Variants in KANK2 observed in about 807,000 individuals in gnomAD.
KANK2 encodes KN motif and ankyrin repeat domain-containing protein 2.
A neutral mutation model predicts 74.6 loss-of-function variants in KANK2; 41 were observed. The observed-to-expected ratio is 0.55, with a 90% CI of 0.43 to 0.71. KANK2 has a LOEUF of 0.71. Among genes scored for constraint, KANK2 ranks in the 30% least tolerant of loss-of-function variants. The pLI, the probability that KANK2 is intolerant of heterozygous loss-of-function variation, is 0.00. For synonymous variants in KANK2, 537 were observed against 519.0 expected (o/e 1.03, Z -0.47); for missense variants, 1,148 against 1,196.4 (o/e 0.96, Z 0.60).
At chr19:11,189,953 G>A (rs2078793870) in intron 4 of KANK2, among the ~76,000 whole-genome samples, 3 of 152,112 alleles carry the variant, frequency 2.0e-5, no homozygotes, top group Non-Finnish European at 2.9e-5. Flanking sequence ...GGTGTCCAGA[G>A]CTGGCCAGGA....
intron 12 of KANK2, among the ~76,000 whole-genome samples, chr19:11,167,758 C>T (rs1184582394): frequency 2.6e-5 from 4 of 151,712 alleles, no homozygotes; most frequent in African/African-American, 9.7e-5. Context: ...GAACTCCTGA[C>T]CTCAGGTGAT....
chr19:11,192,097 G>A (rs2078863196), intron 4 of KANK2, among the ~76,000 whole-genome samples: 1 of 152,088 alleles, frequency 6.6e-6, no homozygotes, highest in Non-Finnish European at 1.5e-5. Flanking sequence ...TTGTGCACCT[G>A]GATCCAGCCA....
intron 4 of KANK2, among the ~76,000 whole-genome samples, chr19:11,189,059 C>T (rs2078760048): frequency 6.6e-6 from 1 of 151,628 alleles, no homozygotes; most frequent in Admixed American, 6.6e-5. Context: ...ATCAACCATG[C>T]CTGGTACCAT....
rs1274664498 is a variant in KANK2 at position 11,174,724 on chromosome 19, G to A, written c.1849-32C>T. 5.2e-6 allele frequency: 8 copies of A among 1,528,866 alleles called. No homozygotes were observed. The Admixed American group carries it at 9.5e-5, about 18-fold the overall frequency. The allele number at this position is 1,528,866 out of a possible 1,614,324, so 94.7% of individuals were successfully genotyped here. A position where few individuals can be genotyped will look rare whatever the true frequency, so the allele number is the denominator to read the frequency against. On this transcript the variant is annotated intron_variant, in intron 8 of 12. Coordinates refer to ENST00000586659, the MANE Select transcript of KANK2 (RefSeq NM_001136191.3). Reference sequence around the variant, plus strand: ...GCGAGTCAGGTGGGAGAGGATGTGAGGGCGGGGGAGGCCCACTGGGACACC... The same window carrying A: ...GCGAGTCAGGTGGGAGAGGATGTGAAGGCGGGGGAGGCCCACTGGGACACC...
intron 4 of KANK2, among the ~76,000 whole-genome samples, chr19:11,188,091 A>G (rs1346046391): frequency 6.6e-6 from 1 of 152,244 alleles, no homozygotes; most frequent in Non-Finnish European, 1.5e-5. Context: ...TGGAGGCTGA[A>G]GGTGAAAAAA....
rs1460097552 is a variant in KANK2, at chr19:11,176,651, G to C, written c.1687C>G (p.Gln563Glu). The C allele has an allele frequency of 6.2e-7, 1 of 1,613,618 alleles. No individual in the cohort carries two copies. Among genetic ancestry groups the C allele is most frequent in the East Asian group, 2.2e-5 (1 of 44,866 alleles). The change falls in exon 7 of 13, where the codon CAG (glutamine) becomes GAG (glutamate). Residue 563 changes from glutamine to glutamate, a missense_variant. By Grantham distance (29) the Gln-to-Glu change is conservative. Coordinates refer to ENST00000586659, the MANE Select transcript of KANK2 (RefSeq NM_001136191.3). ...ATGTGCTGAGATTCTCGAGACAGCT[G>C]ACACTCCTGCCGGCTGGTCTTGGCC... ...AAAKTSRQEC[Q>E]LSRESQHIPT...
At position 11,170,363 on chromosome 19, in the gene KANK2, T is replaced by C. The variant is rs2078141065; in HGVS notation, c.2212-115A>G. Reference sequence around the variant, plus strand: ...TCTGATGGTGAAATGTACCCTCAACTTGCTGATCTCCTCCTGAATCTCAAA... The same window carrying C: ...TCTGATGGTGAAATGTACCCTCAACCTGCTGATCTCCTCCTGAATCTCAAA... On this transcript the variant is annotated intron_variant, in intron 10 of 12. Coordinates refer to ENST00000586659, the MANE Select transcript of KANK2 (RefSeq NM_001136191.3). This position sits in a 1 kb window ranked among gnomAD's most constrained non-coding sequence, Gnocchi z 5.2. The C allele has an allele frequency of 5.3e-6, 4 of 756,426 alleles. No homozygotes were observed. The African/African-American group carries it at 6.9e-5, about 13-fold the overall frequency. The allele number at this position is 756,426 out of a possible 1,614,324, so 46.9% of individuals were successfully genotyped here.
chr19:11,173,959 G>C (rs1319797160), intron 9 of KANK2, among the ~76,000 whole-genome samples: 1 of 151,936 alleles, frequency 6.6e-6, no homozygotes, highest in Non-Finnish European at 1.5e-5. Flanking sequence ...AAACTAGGCA[G>C]GTGGTGTCTC....
rs2078642998 is a variant in KANK2, at chr19:11,185,224, A to C, written c.1250-6504T>G. On this transcript the variant is annotated intron_variant, in intron 4 of 12. Coordinates refer to ENST00000586659, the MANE Select transcript of KANK2 (RefSeq NM_001136191.3). ...CGCTTGAGCCCAGGAGTTTGAGACCAGCCTGGGCAACATGGTGGAACCCCA... is the reference window on the plus strand; with the variant it reads ...CGCTTGAGCCCAGGAGTTTGAGACCCGCCTGGGCAACATGGTGGAACCCCA... 1.4e-5 allele frequency among the ~76,000 whole-genome samples: 2 copies of C among 144,578 alleles called. 1 individual carries two copies. The highest frequency in any genetic ancestry group is 3.0e-5 in the Non-Finnish European group (2 of 65,726). 94.8% of individuals were successfully genotyped at this position (144,578 alleles called of 152,430 possible). A position where few individuals can be genotyped will look rare whatever the true frequency, so the allele number is the denominator to read the frequency against.
rs1328299824 is a variant in KANK2, at chr19:11,193,085, A to T, written c.995T>A (p.Val332Glu). Residue 332 changes from valine (V) to glutamate (E), a missense_variant, in exon 4 of 13, where the codon GTG becomes GAG. Transcript: ENST00000586659. The surrounding 1 kb of genome is among the most constrained non-coding windows in gnomAD (Gnocchi z 9.6). ...CTCCACCTCCCGTGGCCCTTCTACC[A>T]CCCGGACTGTATCCACGCGGACCGG... ...DSPVRVDTVR[V>E]VEGPREVEVV... 1 of 1,608,350 alleles carries T rather than the reference A, an allele frequency of 6.2e-7. No homozygotes were observed. Among genetic ancestry groups the T allele is most frequent in the East Asian group, 2.2e-5 (1 of 44,682 alleles).
chr19:11,190,533 A>G (rs1486502391), intron 4 of KANK2, among the ~76,000 whole-genome samples: 1 of 152,150 alleles, frequency 6.6e-6, no homozygotes, highest in Admixed American at 6.6e-5. Context: ...GAACATTATC[A>G]GCAGAAGCAG....
intron 8 of KANK2, 97 bp from the exon 9 acceptor site, chr19:11,174,789 C>T: frequency 1.0e-6 from 1 of 964,154 alleles, no homozygotes; most frequent in East Asian, 2.6e-5. Flanking sequence ...GCGTGGTGCC[C>T]TTGTCCTGGA....
upstream of KANK2, chr19:11,197,861 G>C (rs1005441962): frequency 1.3e-5 from 2 of 152,016 alleles, no homozygotes; most frequent in East Asian, 3.9e-4. Flanking sequence ...GCGGCGGGAG[G>C]GGGTGGAGCT....
At chr19:11,183,997 T>C (rs1379769492) in intron 4 of KANK2, among the ~76,000 whole-genome samples, 1 of 152,064 alleles carries the variant, frequency 6.6e-6, no homozygotes, top group African/African-American at 2.4e-5. Context: ...CAGGTGTGAG[T>C]CAATGTGCCC....
At chr19:11,179,146 T>C (rs1433435802) in intron 4 of KANK2, among the ~76,000 whole-genome samples, 1 of 151,352 alleles carries the variant, frequency 6.6e-6, no homozygotes, top group Non-Finnish European at 1.5e-5. Context: ...TGAAATCCCG[T>C]CTCCACTAAA....
rs759391378 is a variant in KANK2, at chr19:11,168,690, C to T, written c.2502+1187G>A. On this transcript the variant is annotated intron_variant, in intron 12 of 12. Transcript: ENST00000586659. ...AGAACTGGGCCTAACATGCAGCAGG[C>T]GCTCAATAAATATTTTTCAAATGAG... 5.3e-5 allele frequency among the ~76,000 whole-genome samples: 8 copies of T among 152,176 alleles called. No individual in the cohort carries two copies. The East Asian group carries it at 1.2e-3, about 22-fold the overall frequency.
In KANK2 at chr19:11,194,486, G is replaced by GGC; in HGVS notation, c.25_26insGC (p.Ala9GlyfsTer63). The GGC allele has an allele frequency of 6.2e-7, 1 of 1,612,362 alleles. No homozygotes were observed. The highest frequency in any genetic ancestry group is 8.5e-7 in the Non-Finnish European group (1 of 1,179,390). On this transcript the variant is annotated frameshift_variant, in exon 3 of 13. Transcript: ENST00000586659. LOFTEE classifies it high-confidence loss of function. ...CTGAGTCCCCTGACCTGGGAAGGGA[G>GGC]CAGGCACGTGCAGGACCTGGGCCAT...
chr19:11,179,307 C>A (rs1405461694), intron 4 of KANK2, among the ~76,000 whole-genome samples: 1 of 141,760 alleles, frequency 7.1e-6, no homozygotes, highest in African/African-American at 2.6e-5. Context: ...CAGAGCAAGA[C>A]CCTGCCTCTC....
chr19:11,175,050 T>C (rs1421599628), intron 8 of KANK2, among the ~76,000 whole-genome samples: 7 of 151,224 alleles, frequency 4.6e-5, no homozygotes, highest in Non-Finnish European at 4.4e-5. Context: ...CTCAACCTCC[T>C]AGGCTCAAGC....
Sources: allele counts gnomAD v4.1 joint callset (sites outside exome capture counted in the v4.1 genomes callset), GRCh38; gene constraint gnomAD v4.1.1; non-coding constraint Gnocchi (gnomAD v3.1); transcripts MANE v1.5; gene names NCBI Gene and HGNC (gene_info 2026-07-23, HGNC 2026-07-21).